ZNF475: variants seen among roughly 807,000 people sequenced by gnomAD.
ZNF475 encodes the protein zinc finger protein 475.
chr5:122,179,785 C>G, the ZNF475 span: 1 of 1,230,554 alleles, frequency 8.1e-7, no homozygotes, highest in East Asian at 2.7e-5. Context: ...TCTCTCTAAA[C>G]TAATAAGAGC....
the ZNF475 span, among the ~76,000 whole-genome samples, chr5:122,176,298 AT>A: frequency 7.0e-6 from 1 of 142,316 alleles, no homozygotes; most frequent in Admixed American, 6.8e-5. Flanking sequence ...GGTTTTAAAC[AT>A]TTTTTTTCTG....
the ZNF475 span, among the ~76,000 whole-genome samples, chr5:122,167,546 C>T: frequency 1.3e-5 from 2 of 152,178 alleles, no homozygotes; most frequent in African/African-American, 2.4e-5. Flanking sequence ...TCTGGAATTT[C>T]TTTTACAACG....
the ZNF475 span, among the ~76,000 whole-genome samples, chr5:122,173,137 C>T: frequency 1.3e-5 from 2 of 152,074 alleles, no homozygotes; most frequent in Non-Finnish European, 2.9e-5. Flanking sequence ...TATTAAAATT[C>T]ATAAATTCAT....
chr5:122,179,645 GA>G, the ZNF475 span: 1 of 1,533,100 alleles, frequency 6.5e-7, no homozygotes, highest in South Asian at 1.2e-5. Flanking sequence ...CACAATGTCT[GA>G]AAAAATGGCA....
At chr5:122,162,732 G>A in the ZNF475 span, among the ~76,000 whole-genome samples, 1 of 152,152 alleles carries the variant, frequency 6.6e-6, no homozygotes, top group African/African-American at 2.4e-5. Context: ...TTGTTGGAAG[G>A]GGTCAAGATA....
chr5:122,165,496 G>A, the ZNF475 span, among the ~76,000 whole-genome samples: 79 of 152,258 alleles, frequency 5.2e-4, no homozygotes, highest in Non-Finnish European at 9.6e-4. Flanking sequence ...TGTGACTTGT[G>A]TTATTACAGA....
the ZNF475 span, chr5:122,179,792 G>A: frequency 7.7e-6 from 9 of 1,173,458 alleles, no homozygotes; most frequent in South Asian, 8.6e-5. Context: ...AAACTAATAA[G>A]AGCAGAAGTA....
At chr5:122,171,943 T>A in the ZNF475 span, among the ~76,000 whole-genome samples, 1 of 152,116 alleles carries the variant, frequency 6.6e-6, no homozygotes, top group East Asian at 1.9e-4. Context: ...CTCACTAGAT[T>A]GCTCAGGCTC....
chr5:122,176,746 G>A, the ZNF475 span, among the ~76,000 whole-genome samples: 2 of 152,124 alleles, frequency 1.3e-5, no homozygotes, highest in African/African-American at 2.4e-5. Flanking sequence ...GAGCTTGGAG[G>A]CTTTTTCTTG....
the ZNF475 span, among the ~76,000 whole-genome samples, chr5:122,165,151 C>T: frequency 6.6e-6 from 1 of 152,208 alleles, no homozygotes; most frequent in Non-Finnish European, 1.5e-5. Context: ...GAGGGACAGC[C>T]CTTTCCTCCA....
the ZNF475 span, among the ~76,000 whole-genome samples, chr5:122,172,212 T>C: frequency 6.6e-6 from 1 of 152,202 alleles, no homozygotes; most frequent in Non-Finnish European, 1.5e-5. Flanking sequence ...CTATATCATG[T>C]ATTTATTATA....
the ZNF475 span, among the ~76,000 whole-genome samples, chr5:122,178,892 C>T: frequency 6.6e-6 from 1 of 152,128 alleles, no homozygotes; most frequent in African/African-American, 2.4e-5. Context: ...TTCTTTCATC[C>T]ATCTTGACTT....
chr5:122,175,942 A>T, the ZNF475 span, among the ~76,000 whole-genome samples: 2 of 152,090 alleles, frequency 1.3e-5, no homozygotes, highest in African/African-American at 4.8e-5. Flanking sequence ...TCCTTGACAT[A>T]ATTTTTAACT....
At chr5:122,162,144 G>A in the ZNF475 span, 1 of 152,042 alleles carries the variant, frequency 6.6e-6, no homozygotes, top group Non-Finnish European at 1.5e-5. Flanking sequence ...AATATCAATA[G>A]TTCTTTTTAA....
chr5:122,163,314 T>C, the ZNF475 span: 1 of 152,340 alleles, frequency 6.6e-6, no homozygotes, highest in African/African-American at 2.4e-5. Flanking sequence ...GTAAAGTGTT[T>C]AGTACAGGGC....
chr5:122,179,366 T>A, the ZNF475 span, among the ~76,000 whole-genome samples: 16 of 152,210 alleles, frequency 1.1e-4, no homozygotes, highest in Non-Finnish European at 1.8e-4. Flanking sequence ...ATTTTTCTTA[T>A]CCATGAGCAT....
chr5:122,167,165 A>T, the ZNF475 span, among the ~76,000 whole-genome samples: 1 of 152,214 alleles, frequency 6.6e-6, no homozygotes, highest in African/African-American at 2.4e-5. Context: ...CTGGTCGGTT[A>T]TGTTTCAAAC....
At chr5:122,182,424 C>A in the ZNF475 span, 1 of 1,289,698 alleles carries the variant, frequency 7.8e-7, no homozygotes, top group Admixed American at 3.1e-5. Flanking sequence ...TTACCTTTTT[C>A]TTTCCCTTTT....
At chr5:122,180,511 G>T in the ZNF475 span, among the ~76,000 whole-genome samples, 1 of 152,154 alleles carries the variant, frequency 6.6e-6, no homozygotes, top group African/African-American at 2.4e-5. Flanking sequence ...TTCATTTAGG[G>T]TATGAGAATA....
Sources: allele counts gnomAD v4.1 joint callset (sites outside exome capture counted in the v4.1 genomes callset), GRCh38; gene constraint gnomAD v4.1.1; transcripts MANE v1.5; gene names NCBI Gene and HGNC (gene_info 2026-07-23, HGNC 2026-07-21).